GRID2: variants seen among roughly 807,000 people sequenced by gnomAD.
GRID2 encodes the protein glutamate receptor ionotropic, delta-2.
A neutral mutation model predicts 114.8 loss-of-function variants in GRID2; 33 were observed. The ratio of observed to expected loss-of-function variants is 0.29; its 90% CI spans 0.22 to 0.38. GRID2 has a LOEUF of 0.38. Among genes scored for constraint, GRID2 ranks in the 10% least tolerant of loss-of-function variants. GRID2 has a pLI of 1.00. For missense variants in GRID2, 1,184 were observed against 1,257.7 expected (o/e 0.94, Z 0.89); for synonymous variants, 505 against 449.9 (o/e 1.12, Z -1.55).
chr4:92,590,095 T>G, intron 1 of GRID2, 36 bp from the exon 2 acceptor site: 1 of 1,438,730 alleles, frequency 7.0e-7, no homozygotes. Flanking sequence ...AGAATATTTA[T>G]GTTATTATTT....
At chr4:93,052,576 C>T (rs1211676403) in intron 2 of GRID2, among the ~76,000 whole-genome samples, 2 of 151,786 alleles carry the variant, frequency 1.3e-5, no homozygotes, top group Non-Finnish European at 2.9e-5. Flanking sequence ...CTAAACATAT[C>T]TATATGTAGA....
At chr4:92,311,994 A>G (rs1424562706) in intron 1 of GRID2, among the ~76,000 whole-genome samples, 1 of 152,062 alleles carries the variant, frequency 6.6e-6, no homozygotes, top group African/African-American at 2.4e-5. Flanking sequence ...AGGGTGACAA[A>G]GTATGTTTTC....
chr4:92,604,522 G>A (rs1729365038), intron 2 of GRID2, among the ~76,000 whole-genome samples: 1 of 150,194 alleles, frequency 6.7e-6, no homozygotes, highest in Non-Finnish European at 1.5e-5. Context: ...GGAACAGGGA[G>A]GGGACTTTTG....
chr4:93,777,097 T>C (rs1015331128), downstream of GRID2, among the ~76,000 whole-genome samples: 1 of 152,164 alleles, frequency 6.6e-6, no homozygotes, highest in African/African-American at 2.4e-5. Flanking sequence ...TAAAGTATCC[T>C]TCAGGCTGCC....
chr4:92,937,712 T>C (rs1750770516), intron 2 of GRID2, among the ~76,000 whole-genome samples: 1 of 146,868 alleles, frequency 6.8e-6, no homozygotes, highest in Admixed American at 7.4e-5. Flanking sequence ...GGATCAGCTT[T>C]CTTTAACATT....
At chr4:93,578,260 C>CTTTT (rs1736607471) in intron 13 of GRID2, among the ~76,000 whole-genome samples, 1 of 152,060 alleles carries the variant, frequency 6.6e-6, no homozygotes, top group Admixed American at 6.6e-5. Context: ...AGATGTATAT[C>CTTTT]TTTTAGAAAC....
intron 14 of GRID2, among the ~76,000 whole-genome samples, chr4:93,674,196 C>T (rs1310625257): frequency 1.3e-5 from 2 of 152,152 alleles, no homozygotes; most frequent in African/African-American, 2.4e-5. Flanking sequence ...TAACTCTGGG[C>T]ACTTCTGGTG....
chr4:93,631,279 C>T (rs904271069), intron 14 of GRID2, among the ~76,000 whole-genome samples: 1 of 151,672 alleles, frequency 6.6e-6, no homozygotes, highest in Admixed American at 6.6e-5. Context: ...AGGTTTGTTA[C>T]ATATGTATAC....
chr4:92,730,467 G>T (rs907075555), intron 2 of GRID2, among the ~76,000 whole-genome samples: 6 of 151,848 alleles, frequency 4.0e-5, no homozygotes, highest in African/African-American at 1.2e-4. Flanking sequence ...AAAAATTAAT[G>T]AATTTTAACA....
At chr4:93,784,004 G>A (rs1402318487) in intron 1 of GRID2, among the ~76,000 whole-genome samples, 2 of 141,832 alleles carry the variant, frequency 1.4e-5, no homozygotes, top group Admixed American at 7.2e-5. Context: ...CCCGGGAGGC[G>A]GAGCTTGCAG....
chr4:92,347,496 A>T (rs1007320641), intron 1 of GRID2, among the ~76,000 whole-genome samples: 1 of 152,206 alleles, frequency 6.6e-6, no homozygotes, highest in Admixed American at 6.5e-5. Context: ...AGTGTAATGA[A>T]TAATACTTGG....
At chr4:92,743,101 A>G (rs1038768320) in intron 2 of GRID2, among the ~76,000 whole-genome samples, 2 of 152,124 alleles carry the variant, frequency 1.3e-5, no homozygotes, top group Non-Finnish European at 2.9e-5. Flanking sequence ...ACATGGTGAA[A>G]CCCTATTCCT....
intron 2 of GRID2, among the ~76,000 whole-genome samples, chr4:92,761,109 T>C (rs1467797840): frequency 6.6e-6 from 1 of 152,178 alleles, no homozygotes; most frequent in African/African-American, 2.4e-5. Flanking sequence ...ACTTTGATCA[T>C]TGCAAACCTT....
intron 13 of GRID2, among the ~76,000 whole-genome samples, chr4:93,538,629 A>G (rs535646396): frequency 3.3e-5 from 5 of 151,924 alleles, no homozygotes; most frequent in African/African-American, 1.2e-4. Context: ...ATCTTGATCT[A>G]TAGATGGGAG....
chr4:92,882,493 C>T (rs1223499341), intron 2 of GRID2, among the ~76,000 whole-genome samples: 1 of 151,756 alleles, frequency 6.6e-6, no homozygotes, highest in Non-Finnish European at 1.5e-5. Context: ...TAGTCAGTGG[C>T]TCTCTCATTT....
intron 2 of GRID2, among the ~76,000 whole-genome samples, chr4:93,073,309 A>G (rs1728972201): frequency 6.6e-6 from 1 of 152,216 alleles, no homozygotes; most frequent in Non-Finnish European, 1.5e-5. Flanking sequence ...TTTATCTTAT[A>G]AACAGATAAT....
chr4:93,599,821 T>G (rs1390038174), intron 13 of GRID2, among the ~76,000 whole-genome samples: 1 of 152,160 alleles, frequency 6.6e-6, no homozygotes, highest in Non-Finnish European at 1.5e-5. Flanking sequence ...AAGAATAAAG[T>G]TGCAGTTTTA....
chr4:92,891,744 G>A (rs116211336), intron 2 of GRID2, among the ~76,000 whole-genome samples: 12 of 152,168 alleles, frequency 7.9e-5, no homozygotes, highest in Non-Finnish European at 1.3e-4. Context: ...TTGTTACATC[G>A]GCATCATAAG....
chr4:92,870,714 T>C (rs2149445798), intron 2 of GRID2, among the ~76,000 whole-genome samples: 1 of 152,288 alleles, frequency 6.6e-6, no homozygotes, highest in East Asian at 1.9e-4. Flanking sequence ...TTGGAAATTG[T>C]TGTATGCATT....
Sources: allele counts gnomAD v4.1 joint callset (sites outside exome capture counted in the v4.1 genomes callset), GRCh38; gene constraint gnomAD v4.1.1; transcripts MANE v1.5; gene names NCBI Gene and HGNC (gene_info 2026-07-23, HGNC 2026-07-21).